The following ALDH1A3 variants were observed in gnomAD, a reference collection of about 807,000 sequenced individuals.
The protein encoded by ALDH1A3 is retinaldehyde dehydrogenase 3.
ALDH1A3 carries 28 observed loss-of-function variants against 57.5 expected under a neutral mutation model. The ratio of observed to expected loss-of-function variants is 0.49; its 90% CI spans 0.36 to 0.67. The LOEUF (loss-of-function observed/expected upper bound fraction) is 0.67. Among genes scored for constraint, ALDH1A3 ranks in the 30% least tolerant of loss-of-function variants. The pLI is 0.00. For missense variants in ALDH1A3, 507 were observed against 669.4 expected, an observed-to-expected ratio of 0.76 and a Z score of 2.68; for synonymous variants, 281 against 264.8, an observed-to-expected ratio of 1.06 and a Z score of -0.59.
In ALDH1A3 at chr15:100,895,982, CA is replaced by C; in HGVS notation, c.717del (p.Val240TrpfsTer35). 6.2e-7 allele frequency: 1 copy of C among 1,613,772 alleles called. No homozygotes were observed. The highest frequency in any genetic ancestry group is 8.5e-7 in the Non-Finnish European group (1 of 1,179,858). ...VVNIVPGFGPTVGAAISSHPQ... is the reference protein window; with the variant it reads ...VVNIVPGFGPXVGAAISSHPQ... ...AACATTGTGCCAGGATTCGGGCCCACAGTGGGAGCAGCAATTTCTTCTCACC... is the reference window on the plus strand; with the variant it reads ...AACATTGTGCCAGGATTCGGGCCCACGTGGGAGCAGCAATTTCTTCTCACC... On this transcript the variant is annotated frameshift_variant, in exon 7 of 13. Transcript: ENST00000329841. LOFTEE classifies it high-confidence loss of function.
intron 2 of ALDH1A3, among the ~76,000 whole-genome samples, chr15:100,886,082 T>A (rs954986229): frequency 6.6e-6 from 1 of 152,244 alleles, no homozygotes; most frequent in African/African-American, 2.4e-5. Context: ...TGGACTGATG[T>A]TCTTGGTCAG....
chr15:100,891,218 G>A (rs2141553450), intron 3 of ALDH1A3, among the ~76,000 whole-genome samples: 1 of 152,352 alleles, frequency 6.6e-6, no homozygotes, highest in Admixed American at 6.5e-5. Flanking sequence ...CTGGCCCTGT[G>A]AGGTAGGAAC....
chr15:100,893,249 G>A lies in ALDH1A3; in HGVS notation c.537+243G>A, dbSNP rs117636559. The A allele has an allele frequency of 6.8e-3, 2,774 of 408,850 alleles. 52 individuals are homozygous for A. The highest frequency in any genetic ancestry group is 0.049 in the East Asian group (1,370 of 27,802). 25.3% of individuals were successfully genotyped at this position (408,850 alleles called of 1,614,324 possible). On this transcript the variant is annotated intron_variant, in intron 5 of 12. Coordinates refer to ENST00000329841, the MANE Select transcript of ALDH1A3 (RefSeq NM_000693.4). This position sits in a 1 kb window ranked among gnomAD's most constrained non-coding sequence, Gnocchi z 4.8. ...CTGTGGTTCCCAGCCAGAGTGGTCA[G>A]GAATGGCCAGCATTCCCAGGAAGGT...
Position 100,895,806 on chromosome 15 carries a change from G to A in ALDH1A3, c.667-127G>A, listed in dbSNP as rs893134974. On this transcript the variant is annotated intron_variant, in intron 6 of 12. Transcript: ENST00000329841. ...CCACGGTCAACTGCTTCTGGGTCCT[G>A]GGTAAATCCAGCCCGGCCCGGGTTC... 1.5e-5 allele frequency: 12 copies of A among 790,180 alleles called. 1 individual carries two copies. Among genetic ancestry groups the A allele is most frequent in the African/African-American group, 1.7e-5 (1 of 58,676 alleles). 48.9% of individuals were successfully genotyped at this position (790,180 alleles called of 1,614,324 possible).
In ALDH1A3 at chr15:100,900,619, C is replaced by A; in HGVS notation, c.928C>A (p.Gln310Lys). The A allele has an allele frequency of 1.9e-6, 3 of 1,608,128 alleles. No homozygotes were observed. The highest frequency in any genetic ancestry group is 2.5e-6 in the Non-Finnish European group (3 of 1,177,020). Residue 310 changes from glutamine (Q) to lysine (K), a missense_variant, in exon 9 of 13, where the codon CAA becomes AAA. Physicochemically the swap from Gln to Lys is moderately conservative, Grantham distance 53. Around this residue, in one of 2 missense-constraint regions of ALDH1A3, gnomAD observed 432 missense variants for 608.4 expected, o/e 0.71. Coordinates refer to ENST00000329841, the MANE Select transcript of ALDH1A3 (RefSeq NM_000693.4). The stretch of plus-strand genomic sequence containing the variant: ...TGCCCATCAGGGAGTGTTCTTCAAC[C>A]AAGGCCAGTGTTGCACGGCAGCCTC... ...ECAHQGVFFN[Q>K]GQCCTAASRV...
chr15:100,903,007 C>T (rs1360292461), intron 9 of ALDH1A3, among the ~76,000 whole-genome samples: 1 of 152,182 alleles, frequency 6.6e-6, no homozygotes, highest in Non-Finnish European at 1.5e-5. Flanking sequence ...CTTGGTTCAC[C>T]CAGAGAGAAG....
Position 100,900,607 on chromosome 15 carries a change from G to A in ALDH1A3, c.916G>A (p.Val306Met). The change falls in exon 9 of 13, where the codon GTG (valine) becomes ATG (methionine). Residue 306 changes from valine (V) to methionine (M), a missense_variant. Physicochemically the swap from Val to Met is conservative, Grantham distance 21. This residue lies in a region of ALDH1A3 where 432 missense variants were observed against 608.4 expected (regional missense o/e 0.71). Transcript: ENST00000329841. Reference sequence around the variant, plus strand: ...GGCAGTGGAGTGTGCCCATCAGGGAGTGTTCTTCAACCAAGGCCAGTGTTG... The same window carrying A: ...GGCAGTGGAGTGTGCCCATCAGGGAATGTTCTTCAACCAAGGCCAGTGTTG... ...DLAVECAHQG[V>M]FFNQGQCCTA... 1 of 1,603,432 alleles carries A rather than the reference G, an allele frequency of 6.2e-7. No individual in the cohort carries two copies.
rs775842407 is a variant in ALDH1A3, at chr15:100,894,257, G to A, written c.666+175G>A. 3.0e-5 allele frequency: 22 copies of A among 736,648 alleles called. No homozygotes were observed. Among genetic ancestry groups the A allele is most frequent in the Non-Finnish European group, 4.5e-5 (21 of 463,870 alleles). 45.6% of individuals were successfully genotyped at this position (736,648 alleles called of 1,614,324 possible). On this transcript the variant is annotated intron_variant, in intron 6 of 12. Coordinates refer to ENST00000329841, the MANE Select transcript of ALDH1A3 (RefSeq NM_000693.4). The surrounding 1 kb of genome is among the most constrained non-coding windows in gnomAD (Gnocchi z 4.5). ...GTTCTTTCTCCTGCTTGTGGCCACT[G>A]AGCTGGAGAAACTCCATTCCTCCCA...
chr15:100,898,832 A>G (rs1239404735), intron 8 of ALDH1A3, among the ~76,000 whole-genome samples: 1 of 152,206 alleles, frequency 6.6e-6, no homozygotes, highest in African/African-American at 2.4e-5. Flanking sequence ...GTTGGCTGCC[A>G]TGTCCACAAG....
At chr15:100,883,537 G>A (rs1276556311) in intron 1 of ALDH1A3, among the ~76,000 whole-genome samples, 1 of 152,146 alleles carries the variant, frequency 6.6e-6, no homozygotes, top group African/African-American at 2.4e-5. Flanking sequence ...ATTCCAAACT[G>A]GGGGGCAGCT....
chr15:100,905,097 T>TA (rs775492580), intron 9 of ALDH1A3, among the ~76,000 whole-genome samples: 87 of 152,230 alleles, frequency 5.7e-4, no homozygotes, highest in Admixed American at 1.0e-3. Flanking sequence ...TGGGACATAC[T>TA]AAAAAAAATT....
Position 100,915,815 on chromosome 15 carries a change from T to A in ALDH1A3, c.*1042T>A, listed in dbSNP as rs1457279098. ...TCCTATTTTGATATTAATTTCTGAT[T>A]AGTTAGTAAATAACACCTGGATTCT... On this transcript the variant is annotated 3_prime_UTR_variant, in exon 13 of 13. Coordinates refer to ENST00000329841, the MANE Select transcript of ALDH1A3 (RefSeq NM_000693.4). The A allele has an allele frequency of 3.3e-5, 5 of 152,252 alleles. No homozygotes were observed. Among genetic ancestry groups the A allele is most frequent in the African/African-American group, 1.2e-4 (5 of 41,480 alleles). The allele number at this position is 152,252 out of a possible 1,614,324, so 9.4% of individuals were successfully genotyped here.
chr15:100,888,880 C>T (rs1486482527), intron 3 of ALDH1A3: 1 of 152,192 alleles, frequency 6.6e-6, no homozygotes, highest in Non-Finnish European at 1.5e-5. Flanking sequence ...ATAATGAGGT[C>T]ATGTGAAGAC....
At chr15:100,911,684 A>C (rs565603834) in intron 12 of ALDH1A3, among the ~76,000 whole-genome samples, 1 of 152,194 alleles carries the variant, frequency 6.6e-6, no homozygotes. Flanking sequence ...TTGAACTGCA[A>C]AGTGGTTGAG....
In ALDH1A3 at chr15:100,881,958, G is replaced by C. The variant is rs578067133; in HGVS notation, c.99+1952G>C. Among the ~76,000 whole-genome samples the C allele has an allele frequency of 9.2e-5, 14 of 152,390 alleles. No homozygotes were observed. The South Asian group carries it at 2.9e-3, about 32-fold the overall frequency. On this transcript the variant is annotated intron_variant, in intron 1 of 12. Coordinates refer to ENST00000329841, the MANE Select transcript of ALDH1A3 (RefSeq NM_000693.4). ...CACAGTCCTCAGGGAGACTGGACTG[G>C]AGAGGCGGCCGAGAGTGAGGCCACC...
rs1211729626 is a variant in ALDH1A3, at chr15:100,893,699, A to G, written c.538-255A>G. The G allele has an allele frequency of 7.9e-6, 3 of 379,822 alleles. No homozygotes were observed. Among genetic ancestry groups the G allele is most frequent in the Non-Finnish European group, 1.4e-5 (3 of 213,204 alleles). 23.5% of individuals were successfully genotyped at this position (379,822 alleles called of 1,614,324 possible). Reference sequence around the variant, plus strand: ...AGGGAGGAGGACACGTCTTCAGCAGATGTTTTAGAGGGAGAGGTAGAACAC... The same window carrying G: ...AGGGAGGAGGACACGTCTTCAGCAGGTGTTTTAGAGGGAGAGGTAGAACAC... On this transcript the variant is annotated intron_variant, in intron 5 of 12. Transcript: ENST00000329841. This position sits in a 1 kb window ranked among gnomAD's most constrained non-coding sequence, Gnocchi z 4.8.
intron 6 of ALDH1A3, chr15:100,895,167 A>G (rs184895514): frequency 3.9e-5 from 6 of 152,308 alleles, no homozygotes; most frequent in African/African-American, 1.2e-4. Flanking sequence ...GGGTCTGATT[A>G]AAAAATGAAA....
intron 9 of ALDH1A3, 78 bp downstream of exon 9, chr15:100,900,837 G>A: frequency 6.6e-7 from 1 of 1,507,008 alleles, no homozygotes; most frequent in Non-Finnish European, 9.0e-7. Context: ...ACCGCCTACA[G>A]GGTCCCTCTC....
Position 100,894,109 on chromosome 15 carries a change from C to G in ALDH1A3, c.666+27C>G. On this transcript the variant is annotated intron_variant, in intron 6 of 12. Transcript: ENST00000329841. The surrounding 1 kb of genome is among the most constrained non-coding windows in gnomAD (Gnocchi z 4.5). ...TGAGACATCCAAAAAGAAAATATCA[C>G]ATGTTCTTGGTAACATTCCCACTCC... is the stretch of plus-strand genomic sequence containing the variant. The G allele has an allele frequency of 6.2e-7, 1 of 1,611,930 alleles. No individual in the cohort carries two copies.
Sources: allele counts gnomAD v4.1 joint callset (sites outside exome capture counted in the v4.1 genomes callset), GRCh38; gene constraint gnomAD v4.1.1; regional missense constraint gnomAD v4.1.1; non-coding constraint Gnocchi (gnomAD v3.1); transcripts MANE v1.5; gene names NCBI Gene and HGNC (gene_info 2026-07-23, HGNC 2026-07-21).